ANKS1B: variants seen among roughly 807,000 people sequenced by gnomAD.
ANKS1B encodes ankyrin repeat and sterile alpha motif domain containing 1B.
A neutral mutation model predicts 148.3 loss-of-function variants in ANKS1B; 36 were observed. The ratio of observed to expected loss-of-function variants is 0.24; its 90% CI spans 0.19 to 0.32. ANKS1B has a LOEUF of 0.32. ANKS1B is among the 10% of genes least tolerant of loss of function. ANKS1B has a pLI of 1.00. For synonymous variants in ANKS1B, 542 were observed against 560.8 expected, an observed-to-expected ratio of 0.97 and a Z score of 0.47; for missense variants, 1,157 against 1,542.6, an observed-to-expected ratio of 0.75 and a Z score of 4.19.
chr12:99,875,831 T>C (rs965163942), intron 1 of ANKS1B, among the ~76,000 whole-genome samples: 22 of 152,250 alleles, frequency 1.4e-4, no homozygotes, highest in African/African-American at 5.1e-4. Context: ...GGGACAGACA[T>C]GTCCTTGCCT....
At chr12:98,937,247 A>G (rs540160650) in intron 17 of ANKS1B, among the ~76,000 whole-genome samples, 1 of 152,328 alleles carries the variant, frequency 6.6e-6, no homozygotes, top group African/African-American at 2.4e-5. Context: ...ATGTATGGAC[A>G]TAGCATTACA....
chr12:98,922,624 G>A (rs1304482374), intron 17 of ANKS1B, among the ~76,000 whole-genome samples: 7 of 151,828 alleles, frequency 4.6e-5, no homozygotes, highest in Admixed American at 3.9e-4. Flanking sequence ...TCAGCCTCCC[G>A]AGTAGCTGGA....
At chr12:99,563,789 T>C (rs1374628474) in intron 9 of ANKS1B, among the ~76,000 whole-genome samples, 7 of 152,130 alleles carry the variant, frequency 4.6e-5, no homozygotes, top group Admixed American at 4.6e-4. Context: ...GTAAATAAAG[T>C]GCAATAAAAT....
intron 8 of ANKS1B, among the ~76,000 whole-genome samples, chr12:99,702,396 T>C (rs1600098244): frequency 2.0e-5 from 3 of 152,262 alleles, no homozygotes; most frequent in East Asian, 1.9e-4. Flanking sequence ...TGTTGTATCT[T>C]TTTCCTGTTG....
intron 1 of ANKS1B, among the ~76,000 whole-genome samples, chr12:99,965,730 C>G (rs1227926954): frequency 6.6e-6 from 1 of 152,100 alleles, no homozygotes; most frequent in African/African-American, 2.4e-5. Flanking sequence ...TAGAGACCAG[C>G]CTGGTCAACA....
chr12:99,955,095 C>G (rs562433717), intron 1 of ANKS1B, among the ~76,000 whole-genome samples: 1 of 152,188 alleles, frequency 6.6e-6, no homozygotes, highest in African/African-American at 2.4e-5. Flanking sequence ...ATGCAGTTGC[C>G]CCTGTGAAGT....
At chr12:99,303,976 C>T (rs1368875289) in intron 12 of ANKS1B, among the ~76,000 whole-genome samples, 5 of 151,962 alleles carry the variant, frequency 3.3e-5, no homozygotes, top group South Asian at 4.2e-4. Flanking sequence ...TTTTTATGGC[C>T]GAGCAGTATT....
intron 3 of ANKS1B, among the ~76,000 whole-genome samples, chr12:99,809,629 G>A (rs2068081151): frequency 6.6e-6 from 1 of 151,970 alleles, no homozygotes; most frequent in Admixed American, 6.6e-5. Flanking sequence ...TATCTTATCT[G>A]TATAATGAGA....
intron 17 of ANKS1B, among the ~76,000 whole-genome samples, chr12:98,882,335 C>A (rs2160986): frequency 1.3e-5 from 2 of 152,070 alleles, no homozygotes; most frequent in Admixed American, 1.3e-4. Context: ...TCAAAAAAAT[C>A]AAACTTTTAT....
At chr12:98,924,016 A>G (rs2099804774) in intron 17 of ANKS1B, among the ~76,000 whole-genome samples, 1 of 152,200 alleles carries the variant, frequency 6.6e-6, no homozygotes, top group South Asian at 2.1e-4. Context: ...CAAGTAACTA[A>G]AGCAAGGGAA....
chr12:99,693,060 T>C (rs373878774), intron 8 of ANKS1B, among the ~76,000 whole-genome samples: 3 of 152,212 alleles, frequency 2.0e-5, no homozygotes, highest in East Asian at 1.9e-4. Context: ...ACAACTGACA[T>C]ATTTGAGGTA....
chr12:99,579,351 G>T (rs1429680524), intron 9 of ANKS1B, among the ~76,000 whole-genome samples: 1 of 152,040 alleles, frequency 6.6e-6, no homozygotes, highest in Non-Finnish European at 1.5e-5. Flanking sequence ...AGATAAGTGG[G>T]ATCTAATTAA....
At chr12:99,514,872 G>C (rs1325335563) in intron 9 of ANKS1B, among the ~76,000 whole-genome samples, 1 of 151,924 alleles carries the variant, frequency 6.6e-6, no homozygotes, top group Non-Finnish European at 1.5e-5. Context: ...CCTGGTAATA[G>C]GCAAGAGGGA....
intron 12 of ANKS1B, among the ~76,000 whole-genome samples, chr12:99,323,906 A>AT (rs944421247): frequency 9.2e-5 from 14 of 151,770 alleles, no homozygotes; most frequent in East Asian, 3.9e-4. Context: ...CTTGTATAAT[A>AT]TTTTTTTTCC....
At chr12:99,385,234 C>G (rs1567000304) in intron 12 of ANKS1B, among the ~76,000 whole-genome samples, 1 of 152,078 alleles carries the variant, frequency 6.6e-6, no homozygotes, top group Admixed American at 6.6e-5. Context: ...TTTGGGAGGC[C>G]GAGGCGGGTG....
chr12:99,603,882 T>C (rs764580233), intron 9 of ANKS1B, among the ~76,000 whole-genome samples: 13 of 152,120 alleles, frequency 8.5e-5, no homozygotes, highest in Non-Finnish European at 2.9e-5. Context: ...ATGTTTGATC[T>C]TGGTTAGCAG....
chr12:99,702,544 T>C (rs1206680409), intron 8 of ANKS1B, among the ~76,000 whole-genome samples: 4 of 151,984 alleles, frequency 2.6e-5, no homozygotes, highest in African/African-American at 7.2e-5. Context: ...TTTTGTTTGA[T>C]TGCCTTTTTT....
chr12:99,179,648 C>T (rs2372716), intron 14 of ANKS1B, among the ~76,000 whole-genome samples: 128,136 of 151,850 alleles, frequency 0.84, 54,589 homozygotes, highest in East Asian at 1. Context: ...ATTTTCTTAA[C>T]AAAGAGCAGA....
intron 19 of ANKS1B, among the ~76,000 whole-genome samples, chr12:98,815,800 A>C (rs541847485): frequency 6.6e-6 from 1 of 152,204 alleles, no homozygotes; most frequent in African/African-American, 2.4e-5. Context: ...TACTTGCTCC[A>C]AGCTACTCCC....
Sources: allele counts gnomAD v4.1 joint callset (sites outside exome capture counted in the v4.1 genomes callset), GRCh38; gene constraint gnomAD v4.1.1; transcripts MANE v1.5; gene names NCBI Gene and HGNC (gene_info 2026-07-23, HGNC 2026-07-21).